Variants in MCTP2 observed in about 807,000 individuals in gnomAD.
The protein encoded by MCTP2 is multiple C2 and transmembrane domain-containing protein 2.
In MCTP2, 132 loss-of-function variants were observed where a neutral mutation model predicts 111.6. The observed-to-expected ratio is 1.18, with a 90% CI of 1.03 to 1.37. The LOEUF (loss-of-function observed/expected upper bound fraction) is 1.37, where lower values mean the gene tolerates loss of function less well. Among genes scored for constraint, MCTP2 ranks in the 40% most tolerant of loss-of-function variants. The probability of loss-of-function intolerance (pLI) is 0.00; values close to 1 mark genes in which losing one functional copy is unlikely to be tolerated. For missense variants in MCTP2, 1,183 were observed against 1,067.9 expected (o/e 1.11, Z -1.50); for synonymous variants, 395 against 387.7 (o/e 1.02, Z -0.22).
intron 17 of MCTP2, among the ~76,000 whole-genome samples, chr15:94,418,902 A>G (rs912728138): frequency 2.0e-5 from 3 of 152,120 alleles, no homozygotes; most frequent in African/African-American, 7.2e-5. Flanking sequence ...AAGTCAACAA[A>G]AACTTCATGT....
At chr15:94,472,381 TCAAAA>T (rs2073999894) in intron 21 of MCTP2, among the ~76,000 whole-genome samples, 1 of 152,088 alleles carries the variant, frequency 6.6e-6, no homozygotes, top group Non-Finnish European at 1.5e-5. Flanking sequence ...CGTCTCAAAA[TCAAAA>T]CAAAACAAAA....
chr15:94,264,293 C>G (rs1195785205), intron 1 of MCTP2, among the ~76,000 whole-genome samples: 1 of 152,096 alleles, frequency 6.6e-6, no homozygotes, highest in African/African-American at 2.4e-5. Context: ...GTTTTCCCAT[C>G]TGTACAAGGG....
intron 1 of MCTP2, among the ~76,000 whole-genome samples, chr15:94,243,091 GTGTATATGTGTATCTAC>G (rs2071164046): frequency 2.0e-5 from 1 of 50,470 alleles, no homozygotes; most frequent in African/African-American, 8.8e-5. Context: ...ACACATATAC[GTGTATATGTGTATCTAC>G]GGGTGTGTAT....
At position 94,386,648 on chromosome 15, in the gene MCTP2, T is replaced by G. The variant is rs1195395203; in HGVS notation, c.1788+1123T>G. Among the ~76,000 whole-genome samples the G allele has an allele frequency of 6.6e-5, 10 of 152,116 alleles. No homozygotes were observed. In the East Asian group the frequency reaches 1.9e-3, roughly 29 times the overall value. On this transcript the variant is annotated intron_variant, in intron 14 of 22. Transcript: ENST00000357742. Reference sequence around the variant, plus strand: ...CAATTTGGGATTTCCCCCCCTTTTTTTTTCATTACAACTTTGTCAGTTATT... The same window carrying G: ...CAATTTGGGATTTCCCCCCCTTTTTGTTTCATTACAACTTTGTCAGTTATT...
At chr15:94,337,264 A>G (rs748492398) in intron 4 of MCTP2, among the ~76,000 whole-genome samples, 1 of 152,026 alleles carries the variant, frequency 6.6e-6, no homozygotes, top group Non-Finnish European at 1.5e-5. Flanking sequence ...CCAGACATTA[A>G]TATTTTCTTT....
intron 2 of MCTP2, among the ~76,000 whole-genome samples, chr15:94,303,530 G>A (rs294547): frequency 0.61 from 93,034 of 151,836 alleles, 29,870 homozygotes; most frequent in African/African-American, 0.81. Context: ...TATATCCTTC[G>A]GTCTAATCAA....
At chr15:94,277,896 G>C (rs1408921720) in intron 1 of MCTP2, among the ~76,000 whole-genome samples, 1 of 152,060 alleles carries the variant, frequency 6.6e-6, no homozygotes, top group Non-Finnish European at 1.5e-5. Context: ...ACTAATACAA[G>C]ATGTAAATAA....
chr15:94,455,220 T>G (rs1049479600), intron 19 of MCTP2, among the ~76,000 whole-genome samples: 17 of 152,246 alleles, frequency 1.1e-4, no homozygotes, highest in African/African-American at 4.1e-4. Flanking sequence ...GCATTTACTT[T>G]TCAGCATATA....
intron 1 of MCTP2, among the ~76,000 whole-genome samples, chr15:94,252,761 A>G (rs1271585696): frequency 6.6e-6 from 1 of 152,144 alleles, no homozygotes; most frequent in Non-Finnish European, 1.5e-5. Flanking sequence ...AGGTAGGGTT[A>G]CCAGCCATCA....
chr15:94,345,173 A>C lies in MCTP2; in HGVS notation c.1005+9A>C. 6.2e-7 allele frequency: 1 copy of C among 1,610,570 alleles called. No homozygotes were observed. Among genetic ancestry groups the C allele is most frequent in the Non-Finnish European group, 8.5e-7 (1 of 1,177,796 alleles). On this transcript the variant is annotated intron_variant, in intron 8 of 22. Coordinates refer to ENST00000357742, the MANE Select transcript of MCTP2 (RefSeq NM_001385001.1). ...GATTAAGTGCCAGCAAGGTAAATAT[A>C]CTTTTTTTTCCTTTAGATCATTTGG...
intron 2 of MCTP2, among the ~76,000 whole-genome samples, chr15:94,311,173 C>T (rs189911699): frequency 3.3e-5 from 5 of 151,680 alleles, no homozygotes; most frequent in Admixed American, 1.3e-4. Context: ...GACAGGTGCA[C>T]GCCACCACAC....
intron 1 of MCTP2, among the ~76,000 whole-genome samples, chr15:94,244,700 A>G (rs1438932801): frequency 6.7e-6 from 1 of 149,344 alleles, no homozygotes; most frequent in Non-Finnish European, 1.5e-5. Context: ...ATATGTATAC[A>G]CATACATATG....
chr15:94,450,912 T>C (rs981797867), intron 19 of MCTP2, among the ~76,000 whole-genome samples: 1 of 152,250 alleles, frequency 6.6e-6, no homozygotes, highest in Non-Finnish European at 1.5e-5. Flanking sequence ...CCTGATTGTG[T>C]AATTAATTCT....
rs1292000468 is a variant in MCTP2 at position 94,239,121 on chromosome 15, G to T, written c.-66+7457G>T. Among the ~76,000 whole-genome samples, 16 of 152,004 alleles carry T rather than the reference G, an allele frequency of 1.1e-4. No homozygotes were observed. In the East Asian group the frequency reaches 3.1e-3, roughly 29 times the overall value. ...GGTAATGCTTACTTTTTTTAAGGTGGTGGTTGGGGAACTACTTTTAGCATT... is the reference window on the plus strand; with the variant it reads ...GGTAATGCTTACTTTTTTTAAGGTGTTGGTTGGGGAACTACTTTTAGCATT... On this transcript the variant is annotated intron_variant, in intron 1 of 22. Transcript: ENST00000357742.
At chr15:94,371,707 G>A (rs1052158649) in intron 12 of MCTP2, among the ~76,000 whole-genome samples, 10 of 151,612 alleles carry the variant, frequency 6.6e-5, no homozygotes, top group African/African-American at 1.9e-4. Context: ...TTTTTAACCC[G>A]CGATGGAGTC....
intron 2 of MCTP2, among the ~76,000 whole-genome samples, chr15:94,310,933 C>A (rs1223928619): frequency 6.6e-6 from 1 of 151,256 alleles, no homozygotes; most frequent in East Asian, 1.9e-4. Flanking sequence ...CAGAGGGAGA[C>A]CTTGTCTCAA....
At chr15:94,402,215 A>C in intron 17 of MCTP2, 196 bp downstream of exon 17, 2 of 891,196 alleles carry the variant, frequency 2.2e-6, no homozygotes, top group South Asian at 5.2e-5. Flanking sequence ...TAAGAGCACT[A>C]CTGTTGTATA....
rs527918923 is a variant in MCTP2, at chr15:94,231,632, A to G, written c.-98A>G. ...GCAGGTGAGGGGCGCGCGCCTGCCCAGCTTTGCAGCCCCCGAACGCGGCCT... is the reference window on the plus strand; with the variant it reads ...GCAGGTGAGGGGCGCGCGCCTGCCCGGCTTTGCAGCCCCCGAACGCGGCCT... On this transcript the variant is annotated 5_prime_UTR_variant, in exon 1 of 23. Coordinates refer to ENST00000357742, the MANE Select transcript of MCTP2 (RefSeq NM_001385001.1). 1 of 152,434 alleles carries G rather than the reference A, an allele frequency of 6.6e-6. No homozygotes were observed. The highest frequency in any genetic ancestry group is 1.9e-4 in the East Asian group (1 of 5,166). 9.4% of individuals were successfully genotyped at this position (152,434 alleles called of 1,614,324 possible). A position where few individuals can be genotyped will look rare whatever the true frequency, so the allele number is the denominator to read the frequency against.
intron 7 of MCTP2, chr15:94,343,247 T>C (rs2077763294): frequency 6.6e-6 from 1 of 152,080 alleles, no homozygotes; most frequent in African/African-American, 2.4e-5. Context: ...TCAGAATCTT[T>C]GTTCTTTTCA....
Sources: allele counts gnomAD v4.1 joint callset (sites outside exome capture counted in the v4.1 genomes callset), GRCh38; gene constraint gnomAD v4.1.1; transcripts MANE v1.5; gene names NCBI Gene and HGNC (gene_info 2026-07-23, HGNC 2026-07-21).